KIF3B: variants seen among roughly 807,000 people sequenced by gnomAD.
The protein encoded by KIF3B is kinesin-like protein KIF3B.
Under a neutral mutation model 74.3 loss-of-function variants are expected in KIF3B, and 38 were observed. The ratio of observed to expected loss-of-function variants is 0.51; its 90% confidence interval spans 0.39 to 0.67. The LOEUF (loss-of-function observed/expected upper bound fraction) is 0.67. KIF3B is among the 30% of genes least tolerant of loss of function. The probability of loss-of-function intolerance (pLI) is 0.00; values close to 1 mark genes in which losing one functional copy is unlikely to be tolerated. For missense variants in KIF3B, 649 were observed against 932.0 expected (o/e 0.70, Z 3.95); for synonymous variants, 326 against 342.5 (o/e 0.95, Z 0.53).
chr20:32,326,690 A>G, intron 5 of KIF3B, 81 bp from the exon 6 acceptor site: 1 of 687,564 alleles, frequency 1.5e-6, no homozygotes, highest in Non-Finnish European at 2.6e-6. Context: ...TTACCTGATT[A>G]CTCACCATGC....
At chr20:32,300,391 C>T (rs1442683876) in intron 1 of KIF3B, among the ~76,000 whole-genome samples, 1 of 152,120 alleles carries the variant, frequency 6.6e-6, no homozygotes, top group African/African-American at 2.4e-5. Context: ...CATTCTCCTG[C>T]CTCAGCCTCC....
chr20:32,314,329 C>T (rs1274991034), intron 2 of KIF3B, among the ~76,000 whole-genome samples: 1 of 152,140 alleles, frequency 6.6e-6, no homozygotes, highest in Non-Finnish European at 1.5e-5. Flanking sequence ...CCCTTGAGGT[C>T]AGGAGTTCAA....
At chr20:32,330,044 C>A in intron 7 of KIF3B, 97 bp from the exon 8 acceptor site, 1 of 1,099,962 alleles carries the variant, frequency 9.1e-7, no homozygotes, top group Non-Finnish European at 1.3e-6. Context: ...GAATAACAAG[C>A]AATTTGCACT....
intron 1 of KIF3B, among the ~76,000 whole-genome samples, chr20:32,285,237 C>T (rs2047662282): frequency 6.6e-6 from 1 of 152,146 alleles, no homozygotes; most frequent in South Asian, 2.1e-4. Flanking sequence ...AGCTACCTCT[C>T]ACACTTCTTA....
intron 5 of KIF3B, among the ~76,000 whole-genome samples, chr20:32,324,988 G>A (rs1350870508): frequency 1.3e-5 from 2 of 152,068 alleles, no homozygotes; most frequent in Non-Finnish European, 2.9e-5. Context: ...CTGAGATTGC[G>A]CCACTTTACT....
Position 32,326,853 on chromosome 20 carries a change from C to A in KIF3B, c.1831C>A (p.His611Asn). 6.3e-7 allele frequency: 1 copy of A among 1,587,116 alleles called. No individual in the cohort carries two copies. The highest frequency in any genetic ancestry group is 8.6e-7 in the Non-Finnish European group (1 of 1,158,176). ...NRAFFDEEED[H>N]WKLHPITRLE... ...AGCCTTCTTTGATGAAGAGGAAGAT[C>A]ATTGGAAACTACATCCTATAACCAG... The change falls in exon 6 of 9, where the codon CAT (histidine) becomes AAT (asparagine). Residue 611 changes from histidine (H) to asparagine (N), a missense_variant. This residue lies in a region of KIF3B where 186 missense variants were observed against 198.5 expected (regional missense o/e 0.94). Transcript: ENST00000375712.
At chr20:32,306,278 C>T (rs2047770641) in intron 1 of KIF3B, among the ~76,000 whole-genome samples, 1 of 151,700 alleles carries the variant, frequency 6.6e-6, no homozygotes, top group Non-Finnish European at 1.5e-5. Flanking sequence ...TGCCTGTAAT[C>T]CCAGCTACTA....
Position 32,282,533 on chromosome 20 carries a change from T to C in KIF3B, c.-66+4768T>C, listed in dbSNP as rs57436446. Among the ~76,000 whole-genome samples, 952 of 152,218 alleles carry C rather than the reference T, an allele frequency of 6.3e-3. 11 individuals are homozygous for C. Among genetic ancestry groups the C allele is most frequent in the African/African-American group, 0.022 (898 of 41,538 alleles). On this transcript the variant is annotated intron_variant, in intron 1 of 8. Coordinates refer to ENST00000375712, the MANE Select transcript of KIF3B (RefSeq NM_004798.4). ...AGGTGCAACTGATTGAAGCTTGACG[T>C]TCTTACTGTGAACCAAAAAAAAAAG... is the stretch of plus-strand genomic sequence containing the variant.
intron 3 of KIF3B, 34 bp from the exon 4 acceptor site, chr20:32,316,493 A>G: frequency 6.2e-7 from 1 of 1,613,226 alleles, no homozygotes. Context: ...CACAGTCTCT[A>G]GGGCAAGCTG....
intron 1 of KIF3B, among the ~76,000 whole-genome samples, chr20:32,294,443 C>T (rs2047707364): frequency 6.6e-6 from 1 of 152,070 alleles, no homozygotes; most frequent in Non-Finnish European, 1.5e-5. Context: ...TTATTGCTTC[C>T]CCCACCTTAA....
At chr20:32,317,761 C>T (rs1170663189) in intron 5 of KIF3B, among the ~76,000 whole-genome samples, 1 of 151,820 alleles carries the variant, frequency 6.6e-6, no homozygotes, top group East Asian at 1.9e-4. Context: ...CCTTAGCCTC[C>T]CGGGTAGCTG....
At chr20:32,309,079 T>C (rs535590801) in intron 1 of KIF3B, among the ~76,000 whole-genome samples, 2 of 152,122 alleles carry the variant, frequency 1.3e-5, no homozygotes, top group East Asian at 3.9e-4. Flanking sequence ...GGCAGTGGCG[T>C]GATTGCGGCT....
chr20:32,321,151 C>T (rs993459248), intron 5 of KIF3B, among the ~76,000 whole-genome samples: 3 of 152,096 alleles, frequency 2.0e-5, no homozygotes, highest in Admixed American at 6.6e-5. Context: ...AAGTCAGGGC[C>T]GGGCGCTGTG....
At chr20:32,328,378 C>T (rs959917211) in intron 7 of KIF3B, among the ~76,000 whole-genome samples, 3 of 151,412 alleles carry the variant, frequency 2.0e-5, no homozygotes, top group Admixed American at 6.6e-5. Flanking sequence ...GAGCCAAGAT[C>T]GCGCCACTGC....
At chr20:32,291,051 G>A (rs554326772) in intron 1 of KIF3B, among the ~76,000 whole-genome samples, 73 of 152,172 alleles carry the variant, frequency 4.8e-4, no homozygotes, top group African/African-American at 1.7e-3. Context: ...CCACTTATCC[G>A]AGGTAGCTAG....
chr20:32,300,970 C>T (rs1367934142), intron 1 of KIF3B, among the ~76,000 whole-genome samples: 1 of 151,570 alleles, frequency 6.6e-6, no homozygotes, highest in African/African-American at 2.4e-5. Context: ...TTACGTGATC[C>T]TCTCGCCTCA....
chr20:32,278,921 C>CTT lies in KIF3B; in HGVS notation c.-66+1175_-66+1176dup, dbSNP rs57355936. ...AAAGGGAAGGACCTGCTTAAGAATC[C>CTT]TTTTTTTTTTTTTTTTTTTTGAGAC... is the stretch of plus-strand genomic sequence containing the variant. On this transcript the variant is annotated intron_variant, in intron 1 of 8. Transcript: ENST00000375712. Among the ~76,000 whole-genome samples the CTT allele has an allele frequency of 1.9e-3, 220 of 118,402 alleles. 7 individuals are homozygous for CTT. Among genetic ancestry groups the CTT allele is most frequent in the Middle Eastern group, 0.013 (3 of 226 alleles). The allele number at this position is 118,402 out of a possible 152,430, so 77.7% of individuals were successfully genotyped here.
intron 1 of KIF3B, among the ~76,000 whole-genome samples, chr20:32,283,097 G>A (rs1202277939): frequency 1.3e-5 from 2 of 152,122 alleles, no homozygotes; most frequent in Non-Finnish European, 2.9e-5. Flanking sequence ...ATGCAGTGGT[G>A]TGATCATGGC....
At chr20:32,323,154 A>ATATTTATATATTTACATG (rs2047884098) in intron 5 of KIF3B, among the ~76,000 whole-genome samples, 1 of 118,354 alleles carries the variant, frequency 8.4e-6, no homozygotes, top group Admixed American at 1.2e-4. Flanking sequence ...TTATATATTT[A>ATATTTATATATTTACATG]TATTTATATA....
Sources: allele counts gnomAD v4.1 joint callset (sites outside exome capture counted in the v4.1 genomes callset), GRCh38; gene constraint gnomAD v4.1.1; regional missense constraint gnomAD v4.1.1; transcripts MANE v1.5; gene names NCBI Gene and HGNC (gene_info 2026-07-23, HGNC 2026-07-21).